BBS1: variants seen among roughly 807,000 people sequenced by gnomAD.
BBS1 encodes BBSome complex member BBS1.
Under a neutral mutation model 73.9 loss-of-function variants are expected in BBS1, and 60 were observed. That is an observed-to-expected ratio of 0.81 (90% CI 0.66 to 1.01). BBS1 has a LOEUF of 1.01. Ranked by LOEUF, BBS1 falls within the 50% of genes least tolerant of loss-of-function variation. BBS1 has a pLI of 0.00. For synonymous variants in BBS1, 283 were observed against 317.4 expected (o/e 0.89, Z 1.15); for missense variants, 718 against 770.3 (o/e 0.93, Z 0.80).
At chr11:66,529,494 G>T in intron 13 of BBS1, 1 of 728,676 alleles carries the variant, frequency 1.4e-6, no homozygotes, top group South Asian at 1.5e-5. Context: ...ATTGTCTGGG[G>T]GAAGAAGATG....
intron 11 of BBS1, 114 bp from the exon 12 acceptor site, chr11:66,526,009 A>C: frequency 1.1e-6 from 1 of 875,172 alleles, no homozygotes; most frequent in Admixed American, 1.9e-5. Flanking sequence ...GCGATTCCCC[A>C]GGCCTGTCTC....
intron 7 of BBS1, among the ~76,000 whole-genome samples, chr11:66,519,244 G>A (rs567986292): frequency 1.1e-4 from 16 of 152,242 alleles, no homozygotes; most frequent in African/African-American, 3.9e-4. Context: ...GGTGGCGTGC[G>A]CCTGTAATCC....
intron 3 of BBS1, 93 bp downstream of exon 3, chr11:66,511,332 C>A: frequency 6.9e-7 from 1 of 1,454,364 alleles, no homozygotes; most frequent in East Asian, 2.3e-5. Flanking sequence ...CCAGCATACT[C>A]TGGAATTCAC....
chr11:66,520,966 G>A lies in BBS1; in HGVS notation c.724-304G>A, dbSNP rs535064240. 4.6e-5 allele frequency: 19 copies of A among 408,882 alleles called. No homozygotes were observed. The East Asian group carries it at 5.0e-4, about 11-fold the overall frequency. The allele number at this position is 408,882 out of a possible 1,614,324, so 25.3% of individuals were successfully genotyped here. A position where few individuals can be genotyped will look rare whatever the true frequency, so the allele number is the denominator to read the frequency against. On this transcript the variant is annotated intron_variant, in intron 8 of 16. Coordinates refer to ENST00000318312, the MANE Select transcript of BBS1 (RefSeq NM_024649.5). Reference sequence around the variant, plus strand: ...ACTCCTGAGCTCAAGCGATCCACCCGCCTCAGCCTCTCAAAGTGTTGGGAT... The same window carrying A: ...ACTCCTGAGCTCAAGCGATCCACCCACCTCAGCCTCTCAAAGTGTTGGGAT...
chr11:66,512,063 T>C (rs1033523323), intron 3 of BBS1, among the ~76,000 whole-genome samples: 1 of 147,288 alleles, frequency 6.8e-6, no homozygotes, highest in Non-Finnish European at 1.5e-5. Flanking sequence ...TGTATATATA[T>C]GTATATATAT....
intron 14 of BBS1, among the ~76,000 whole-genome samples, chr11:66,530,399 C>A (rs938093630): frequency 6.6e-6 from 1 of 152,014 alleles, no homozygotes; most frequent in African/African-American, 2.4e-5. Context: ...AAGGAGGAAC[C>A]CCGCAAGGCT....
At chr11:66,530,745 G>T in intron 14 of BBS1, 149 bp from the exon 15 acceptor site, 1 of 1,180,684 alleles carries the variant, frequency 8.5e-7, no homozygotes, top group Admixed American at 1.8e-5. Flanking sequence ...TGATCCCTCT[G>T]CCCCTTCTGG....
chr11:66,526,208 CCT>C lies in BBS1; in HGVS notation c.1180+17_1180+18del. Reference sequence around the variant, plus strand: ...ACCACTCGAGGTGAGTGGAGTCAGACCTGGCAAGGGCTTTGAAGTCGGGAGTG... The same window carrying C: ...ACCACTCGAGGTGAGTGGAGTCAGACGGCAAGGGCTTTGAAGTCGGGAGTG... On this transcript the variant is annotated intron_variant, in intron 12 of 16. Transcript: ENST00000318312. 1 of 1,613,280 alleles carries C rather than the reference CCT, an allele frequency of 6.2e-7. No homozygotes were observed.
chr11:66,515,793 AT>A, intron 6 of BBS1, 62 bp downstream of exon 6: 6 of 1,613,974 alleles, frequency 3.7e-6, no homozygotes, highest in Non-Finnish European at 5.1e-6. Context: ...AGCCGCCAGA[AT>A]GTGCCAGAAT....
Position 66,515,563 on chromosome 11 carries a change from G to A in BBS1, c.456G>A (p.Leu152=). 3.1e-6 allele frequency: 5 copies of A among 1,614,156 alleles called. No homozygotes were observed. The highest frequency in any genetic ancestry group is 4.5e-5 in the East Asian group (2 of 44,886). The change falls in exon 5 of 17, where the codon CTG becomes CTA. Residue 152 remains leucine (L), a synonymous_variant. Coordinates refer to ENST00000318312, the MANE Select transcript of BBS1 (RefSeq NM_024649.5). ...AGGACCGAATCGACCCCTTAACCCT[G>A]AAGGAGATGCTGGAGAGCATCCGGT... ...AKEDRIDPLT[L]KEMLESIRET... is the part of the protein sequence containing the mutation.
chr11:66,514,302 T>TCTCGG, intron 3 of BBS1, 104 bp from the exon 4 acceptor site: 2 of 1,462,698 alleles, frequency 1.4e-6, no homozygotes, highest in East Asian at 2.3e-5. Flanking sequence ...AAAGCCTTTA[T>TCTCGG]TGGTGCAGGA....
Position 66,515,699 on chromosome 11 carries a change from G to T in BBS1, c.486G>T (p.Thr162=). The change falls in exon 6 of 17, where the codon ACG becomes ACT. Residue 162 remains threonine, a synonymous_variant. Coordinates refer to ENST00000318312, the MANE Select transcript of BBS1 (RefSeq NM_024649.5). ...LKEMLESIRE[T]AEEPLSIQSL... Reference sequence around the variant, plus strand: ...CTGGCCCCTTTCCTTGCAGGGAGACGGCAGAGGAGCCTTTGTCCATCCAGT... The same window carrying T: ...CTGGCCCCTTTCCTTGCAGGGAGACTGCAGAGGAGCCTTTGTCCATCCAGT... The T allele has an allele frequency of 1.2e-6, 2 of 1,614,186 alleles. No homozygotes were observed. The highest frequency in any genetic ancestry group is 1.7e-6 in the Non-Finnish European group (2 of 1,180,030).
chr11:66,520,786 T>G (rs1856182072), intron 8 of BBS1: 2 of 221,132 alleles, frequency 9.0e-6, no homozygotes, highest in Admixed American at 1.0e-4. Context: ...CAGGCTGAAG[T>G]GCAGTGGTAC....
At position 66,528,924 on chromosome 11, in the gene BBS1, C is replaced by T. The variant is rs535670954; in HGVS notation, c.1340-895C>T. ...CAGAGGTTGCAGTGAGCTGAGATCA[C>T]GCCATTGCACTCCAGCCTGGGTAAC... On this transcript the variant is annotated intron_variant, in intron 13 of 16. Coordinates refer to ENST00000318312, the MANE Select transcript of BBS1 (RefSeq NM_024649.5). 3.0e-4 allele frequency: 94 copies of T among 313,382 alleles called. No homozygotes were observed. The South Asian group carries it at 8.2e-3, about 27-fold the overall frequency. 19.4% of individuals were successfully genotyped at this position (313,382 alleles called of 1,614,324 possible).
chr11:66,532,047 T>TGCTGTGAAA lies in BBS1; in HGVS notation c.*13_*21dup, dbSNP rs750165500. 126 of 1,594,040 alleles carry TGCTGTGAAA rather than the reference T, an allele frequency of 7.9e-5. No homozygotes were observed. The highest frequency in any genetic ancestry group is 1.0e-4 in the Non-Finnish European group (120 of 1,171,372). ...GCTGGCGGCCGCCTGAGACCTGAGC[T>TGCTGTGAAA]GCTGTGAAAGCCCCTGCACAATCAG... On this transcript the variant is annotated 3_prime_UTR_variant, in exon 17 of 17. Coordinates refer to ENST00000318312, the MANE Select transcript of BBS1 (RefSeq NM_024649.5).
At chr11:66,530,864 A>G in intron 14 of BBS1, 30 bp from the exon 15 acceptor site, 9 of 1,614,006 alleles carry the variant, frequency 5.6e-6, no homozygotes, top group Non-Finnish European at 7.6e-6. Context: ...GCCAGGTCCT[A>G]AGGGCTTTCT....
At chr11:66,516,835 G>A (rs918054719) in intron 7 of BBS1, among the ~76,000 whole-genome samples, 5 of 152,120 alleles carry the variant, frequency 3.3e-5, no homozygotes, top group African/African-American at 1.2e-4. Flanking sequence ...GCTATTACAG[G>A]AATGAGCTGC....
chr11:66,520,957 G>A (rs1276559258), intron 8 of BBS1: 2 of 395,414 alleles, frequency 5.1e-6, no homozygotes, highest in Non-Finnish European at 9.7e-6. Context: ...GAGCTCAAGC[G>A]ATCCACCCGC....
Position 66,523,635 on chromosome 11 carries a change from A to G in BBS1, c.951+59A>G. On this transcript the variant is annotated intron_variant, in intron 10 of 16. Coordinates refer to ENST00000318312, the MANE Select transcript of BBS1 (RefSeq NM_024649.5). ...CCTATGTCCCTAGCCCCCACTTGGC[A>G]AGAGAGTCCTCTGGCTTCCCCACCC... 1 of 1,612,634 alleles carries G rather than the reference A, an allele frequency of 6.2e-7. No homozygotes were observed. Among genetic ancestry groups the G allele is most frequent in the Non-Finnish European group, 8.5e-7 (1 of 1,179,962 alleles).
Sources: gnomAD v4.1 joint callset for allele counts (sites outside exome capture counted in the v4.1 genomes callset) on GRCh38, gnomAD v4.1.1 for gene constraint, MANE v1.5 for transcripts, NCBI Gene and HGNC (gene_info 2026-07-23, HGNC 2026-07-21) for gene names.